The following CFAP298 variants were observed in gnomAD, a reference collection of about 807,000 sequenced individuals.
The protein encoded by CFAP298 is cilia- and flagella-associated protein 298.
Under a neutral mutation model 41.0 loss-of-function variants are expected in CFAP298, and 38 were observed. The ratio of observed to expected loss-of-function variants is 0.93; its 90% CI spans 0.72 to 1.22. The LOEUF (loss-of-function observed/expected upper bound fraction) is 1.22, where lower values mean the gene tolerates loss of function less well. Ranked by LOEUF, CFAP298 falls within the 50% of genes most tolerant of loss-of-function variation. CFAP298 has a pLI of 0.00. For missense variants in CFAP298, 348 were observed against 360.3 expected (o/e 0.97, Z 0.28); for synonymous variants, 137 against 135.3 (o/e 1.01, Z -0.09).
Position 32,612,298 on chromosome 21 carries a change from G to C in CFAP298, c.-55C>G. 2 of 1,378,748 alleles carry C rather than the reference G, an allele frequency of 1.5e-6. No homozygotes were observed. Among genetic ancestry groups the C allele is most frequent in the Non-Finnish European group, 9.8e-7 (1 of 1,016,826 alleles). The allele number at this position is 1,378,748 out of a possible 1,614,324, so 85.4% of individuals were successfully genotyped here. A position where few individuals can be genotyped will look rare whatever the true frequency, so the allele number is the denominator to read the frequency against. The stretch of plus-strand genomic sequence containing the variant: ...AGAAGGCCCCGGCTGCGTGGCCCGC[G>C]GGTCCTGCCGGCCGAGGGTCGCCGG... On this transcript the variant is annotated 5_prime_UTR_variant, in exon 1 of 7. Coordinates refer to ENST00000290155, the MANE Select transcript of CFAP298 (RefSeq NM_021254.4).
Position 32,601,827 on chromosome 21 carries a change from G to A in CFAP298, c.*36C>T, listed in dbSNP as rs199757131. 36 of 1,095,914 alleles carry A rather than the reference G, an allele frequency of 3.3e-5. No homozygotes were observed. In the Admixed American group the frequency reaches 3.8e-4, roughly 11 times the overall value. 67.9% of individuals were successfully genotyped at this position (1,095,914 alleles called of 1,614,324 possible). On this transcript the variant is annotated 3_prime_UTR_variant, in exon 7 of 7. Coordinates refer to ENST00000290155, the MANE Select transcript of CFAP298 (RefSeq NM_021254.4). ...TTATAATTGCCTAGGAGAAAGGTGA[G>A]CTAATCTCTTTGGAAGTGTCATCAG... is the stretch of plus-strand genomic sequence containing the variant.
intron 1 of CFAP298, 89 bp from the exon 2 acceptor site, chr21:32,610,094 T>C (rs2038957387): frequency 1.7e-6 from 2 of 1,181,738 alleles, no homozygotes; most frequent in Non-Finnish European, 1.2e-6. Flanking sequence ...GTCTTGCCCA[T>C]CTGGCTCACT....
chr21:32,604,411 C>T (rs1862567280), intron 3 of CFAP298, 128 bp from the exon 4 acceptor site: 7 of 1,029,632 alleles, frequency 6.8e-6, no homozygotes, highest in African/African-American at 1.6e-5. Context: ...GTTCTTGCTC[C>T]CAGAGTGACT....
rs564768641 is a variant in CFAP298, at chr21:32,607,782, C to T, written c.308-66G>A. The T allele has an allele frequency of 4.3e-6, 4 of 938,778 alleles. No individual in the cohort carries two copies. The African/African-American group carries it at 6.6e-5, about 16-fold the overall frequency. The allele number at this position is 938,778 out of a possible 1,614,324, so 58.2% of individuals were successfully genotyped here. A position where few individuals can be genotyped will look rare whatever the true frequency, so the allele number is the denominator to read the frequency against. On this transcript the variant is annotated intron_variant, in intron 2 of 6. Coordinates refer to ENST00000290155, the MANE Select transcript of CFAP298 (RefSeq NM_021254.4). The stretch of plus-strand genomic sequence containing the variant: ...ATACAAAGCCTCTTCTGAAATACCT[C>T]AATCCCCTCTGTCTGAGTCAGGGGG...
At position 32,603,268 on chromosome 21, in the gene CFAP298, C is replaced by CCTCTTTAATGA; in HGVS notation, c.548_558dup (p.Ala187SerfsTer16). On this transcript the variant is annotated frameshift_variant, in exon 5 of 7. Coordinates refer to ENST00000290155, the MANE Select transcript of CFAP298 (RefSeq NM_021254.4). LOFTEE classifies it high-confidence loss of function. The stretch of plus-strand genomic sequence containing the variant: ...GCTGCCCACCACAGCTGCGCCTCTG[C>CCTCTTTAATGA]CTCTTTAATGACGTTGAGCCCTGCC... 3.1e-6 allele frequency: 5 copies of CCTCTTTAATGA among 1,614,174 alleles called. No individual in the cohort carries two copies. The highest frequency in any genetic ancestry group is 4.2e-6 in the Non-Finnish European group (5 of 1,180,022).
Position 32,600,836 on chromosome 21 carries a change from T to C in CFAP298, c.*1027A>G, listed in dbSNP as rs544970883. On this transcript the variant is annotated 3_prime_UTR_variant, in exon 7 of 7. Transcript: ENST00000290155. ...ATCTGGATTTGTTTTCAGGATCTAT[T>C]CTCATGAAGGAGACTTGAGAAGCTG... Among the ~76,000 whole-genome samples, 1 of 152,346 alleles carries C rather than the reference T, an allele frequency of 6.6e-6. No individual in the cohort carries two copies. Among genetic ancestry groups the C allele is most frequent in the Non-Finnish European group, 1.5e-5 (1 of 68,020 alleles).
chr21:32,611,393 T>C (rs2038996273), intron 1 of CFAP298, among the ~76,000 whole-genome samples: 1 of 141,006 alleles, frequency 7.1e-6, no homozygotes, highest in Non-Finnish European at 1.5e-5. Context: ...TCATATATAC[T>C]ATATATATGG....
rs926935137 is a variant in CFAP298, at chr21:32,600,782, A to G, written c.*1081T>C. Among the ~76,000 whole-genome samples, 1 of 152,220 alleles carries G rather than the reference A, an allele frequency of 6.6e-6. No homozygotes were observed. The highest frequency in any genetic ancestry group is 1.5e-5 in the Non-Finnish European group (1 of 68,034). The stretch of plus-strand genomic sequence containing the variant: ...TGGCCTAGAATCAGACCCCGCATCC[A>G]TAGGGAGAAATCATCACCCTCTACC... On this transcript the variant is annotated 3_prime_UTR_variant, in exon 7 of 7. Transcript: ENST00000290155.
chr21:32,607,775 A>G, intron 2 of CFAP298, 59 bp from the exon 3 acceptor site: 1 of 988,320 alleles, frequency 1.0e-6, no homozygotes, highest in Non-Finnish European at 1.6e-6. Flanking sequence ...CCTCTTCTGA[A>G]ATACCTCAAT....
intron 3 of CFAP298, among the ~76,000 whole-genome samples, chr21:32,606,758 G>GT (rs1468002459): frequency 6.6e-6 from 1 of 152,226 alleles, no homozygotes; most frequent in Non-Finnish European, 1.5e-5. Context: ...GAGACTTGCA[G>GT]TTGAGAGCGG....
In CFAP298 at chr21:32,601,750, A is replaced by C; in HGVS notation, c.*113T>G. 1 of 599,000 alleles carries C rather than the reference A, an allele frequency of 1.7e-6. No individual in the cohort carries two copies. 37.1% of individuals were successfully genotyped at this position (599,000 alleles called of 1,614,324 possible). Reference sequence around the variant, plus strand: ...AATTCACACTAAAAGAAAACTAGAAATGTTAACATCTTTTACAGAGGGCAG... The same window carrying C: ...AATTCACACTAAAAGAAAACTAGAACTGTTAACATCTTTTACAGAGGGCAG... On this transcript the variant is annotated 3_prime_UTR_variant, in exon 7 of 7. Transcript: ENST00000290155.
chr21:32,602,807 C>A, intron 5 of CFAP298: 4 of 1,370,314 alleles, frequency 2.9e-6, no homozygotes, highest in Middle Eastern at 2.7e-4. Context: ...TCCTCCTCCC[C>A]CTCCTGTACA....
intron 1 of CFAP298, among the ~76,000 whole-genome samples, chr21:32,611,409 A>G (rs927318871): frequency 4.8e-5 from 7 of 145,842 alleles, no homozygotes; most frequent in Non-Finnish European, 8.9e-5. Flanking sequence ...TATGGTATTT[A>G]TTTATATTTA....
rs1601169504 is a variant in CFAP298, at chr21:32,612,143, A to C, written c.101T>G (p.Val34Gly). 3 of 1,573,844 alleles carry C rather than the reference A, an allele frequency of 1.9e-6. No homozygotes were observed. Among genetic ancestry groups the C allele is most frequent in the Non-Finnish European group, 2.6e-6 (3 of 1,160,174 alleles). The change falls in exon 1 of 7, where the codon GTC (valine) becomes GGC (glycine). Residue 34 changes from valine to glycine, a missense_variant. Coordinates refer to ENST00000290155, the MANE Select transcript of CFAP298 (RefSeq NM_021254.4). ...CTGCACCTTGAGCCGCCCATTATAG[A>C]CCCGGGCCACCTGCACCGTGAGCTC... Reference protein sequence around the residue: ...LEELTVQVARVYNGRLKVQRL... With the variant: ...LEELTVQVARGYNGRLKVQRL...
intron 2 of CFAP298, 59 bp downstream of exon 2, chr21:32,609,779 A>T: frequency 6.9e-7 from 1 of 1,458,696 alleles, no homozygotes; most frequent in Non-Finnish European, 9.3e-7. Context: ...AAAAAAAGGA[A>T]CTGTTTTCAT....
Position 32,602,279 on chromosome 21 carries a change from T to G in CFAP298, c.755A>C (p.Glu252Ala). 6.2e-7 allele frequency: 1 copy of G among 1,614,030 alleles called. No homozygotes were observed. The highest frequency in any genetic ancestry group is 8.5e-7 in the Non-Finnish European group (1 of 1,180,012). Residue 252 changes from glutamate to alanine, a missense_variant, in exon 6 of 7, where the codon GAG (glutamate) becomes GCG (alanine). Transcript: ENST00000290155. ...CCATCTGTCCCCTGCTACCTTGAGC[T>G]CCTCTTGTCTTCTGTGATAGTACAG... is the stretch of plus-strand genomic sequence containing the variant. ...LMLYYHRRQE[E>A]LKRLEENDDD...
intron 2 of CFAP298, among the ~76,000 whole-genome samples, chr21:32,608,355 T>C (rs895363282): frequency 2.0e-5 from 3 of 151,936 alleles, no homozygotes; most frequent in African/African-American, 4.8e-5. Flanking sequence ...CACAAGATTG[T>C]ATTATAATAG....
chr21:32,603,196 T>C lies in CFAP298; in HGVS notation c.631A>G (p.Asn211Asp), dbSNP rs1228350373. 5.6e-6 allele frequency: 9 copies of C among 1,614,096 alleles called. No individual in the cohort carries two copies. Among genetic ancestry groups the C allele is most frequent in the Non-Finnish European group, 6.8e-6 (8 of 1,180,040 alleles). ...TKKLSDYVGK[N>D]EKTKIIAKIQ... ...TTGGCGATAATTTTGGTTTTTTCAT[T>C]CTTCCCCACGTAGTCTGAAAGCTTC... Residue 211 changes from asparagine to aspartate, a missense_variant, in exon 5 of 7, where the codon AAT becomes GAT. Physicochemically the swap from Asn to Asp is conservative, Grantham distance 23. Transcript: ENST00000290155.
At chr21:32,603,357 C>G (rs988453110) in intron 4 of CFAP298, 65 bp from the exon 5 acceptor site, 11 of 1,573,910 alleles carry the variant, frequency 7.0e-6, no homozygotes, top group Non-Finnish European at 9.6e-6. Flanking sequence ...CCCAGCTGAG[C>G]CCCTCCCAGC....
Sources: allele counts gnomAD v4.1 joint callset (sites outside exome capture counted in the v4.1 genomes callset), GRCh38; gene constraint gnomAD v4.1.1; transcripts MANE v1.5; gene names NCBI Gene and HGNC (gene_info 2026-07-23, HGNC 2026-07-21).